Variants in TAFA5 observed in about 807,000 individuals in gnomAD.
The protein encoded by TAFA5 is chemokine-like protein TAFA-5.
Under a neutral mutation model 15.3 loss-of-function variants are expected in TAFA5, and 6 were observed. The observed-to-expected ratio is 0.39, with a 90% CI of 0.21 to 0.77. The LOEUF (loss-of-function observed/expected upper bound fraction) is 0.77, where lower values mean the gene tolerates loss of function less well. TAFA5 is among the 30% of genes least tolerant of loss of function. The probability of loss-of-function intolerance (pLI) is 0.41; values close to 1 mark genes in which losing one functional copy is unlikely to be tolerated. For missense variants in TAFA5, 161 were observed against 193.1 expected (o/e 0.83, Z 0.98); for synonymous variants, 103 against 80.7 (o/e 1.28, Z -1.48).
At chr22:48,519,369 C>T (rs372476310) in intron 1 of TAFA5, among the ~76,000 whole-genome samples, 4 of 152,232 alleles carry the variant, frequency 2.6e-5, no homozygotes, top group South Asian at 4.1e-4. Context: ...CGCGCAATCG[C>T]GTAGTCGCAG....
intron 1 of TAFA5, among the ~76,000 whole-genome samples, chr22:48,645,479 G>A (rs548816071): frequency 1.5e-4 from 23 of 152,248 alleles, no homozygotes; most frequent in East Asian, 5.8e-4. Flanking sequence ...TAGGGGATGC[G>A]GAGGGGGCAG....
intron 1 of TAFA5, chr22:48,576,309 G>C: frequency 9.6e-7 from 1 of 1,038,574 alleles, no homozygotes; most frequent in Non-Finnish European, 1.2e-6. Flanking sequence ...TGCCCAGAAA[G>C]ACACAAATCG....
rs986605504 is a variant in TAFA5 at position 48,598,120 on chromosome 22, C to T, written c.113-48477C>T. On this transcript the variant is annotated intron_variant, in intron 1 of 3. Coordinates refer to ENST00000402357, the MANE Select transcript of TAFA5 (RefSeq NM_001082967.3). The surrounding 1 kb of genome is among the most constrained non-coding windows in gnomAD (Gnocchi z 4.0). ...GGAAGAGGGCAGGCTGGAGACGCAG[C>T]GAGAGGTGCAGCTGGCGTCGTGAGG... Among the ~76,000 whole-genome samples the T allele has an allele frequency of 1.3e-5, 2 of 152,158 alleles. No individual in the cohort carries two copies. Among genetic ancestry groups the T allele is most frequent in the Admixed American group, 6.5e-5 (1 of 15,280 alleles).
At chr22:48,692,285 G>C (rs738690) in intron 2 of TAFA5, among the ~76,000 whole-genome samples, 78,416 of 152,158 alleles carry the variant, frequency 0.52, 21,098 homozygotes, top group African/African-American at 0.66. Context: ...CTGAGAGTCA[G>C]GGGTCCGCTG....
At chr22:48,591,555 G>A (rs1253494904) in intron 1 of TAFA5, among the ~76,000 whole-genome samples, 1 of 152,260 alleles carries the variant, frequency 6.6e-6, no homozygotes, top group Non-Finnish European at 1.5e-5. Flanking sequence ...CATCCTGCTG[G>A]CGCAGGGAGT....
intron 2 of TAFA5, among the ~76,000 whole-genome samples, chr22:48,689,772 G>T (rs1159088895): frequency 6.6e-6 from 1 of 152,164 alleles, no homozygotes; most frequent in Non-Finnish European, 1.5e-5. Context: ...TGATGGGCTG[G>T]TATCATTGGC....
chr22:48,570,349 AG>A (rs2147137822), intron 1 of TAFA5, among the ~76,000 whole-genome samples: 1 of 152,344 alleles, frequency 6.6e-6, no homozygotes, highest in Non-Finnish European at 1.5e-5. Flanking sequence ...TTATGAGACA[AG>A]GGTATCTCAA....
At chr22:48,563,734 G>C (rs951005629) in intron 1 of TAFA5, among the ~76,000 whole-genome samples, 1 of 152,316 alleles carries the variant, frequency 6.6e-6, no homozygotes, top group East Asian at 1.9e-4. Context: ...GCAGGGTATC[G>C]GGAGCTCGGG....
intron 1 of TAFA5, among the ~76,000 whole-genome samples, chr22:48,542,988 A>G (rs1272223814): frequency 6.6e-6 from 1 of 151,170 alleles, no homozygotes; most frequent in African/African-American, 2.4e-5. Context: ...TGTGATGTGT[A>G]TGGTGTGTAG....
chr22:48,585,607 C>A (rs1255422042), intron 1 of TAFA5, among the ~76,000 whole-genome samples: 1 of 151,102 alleles, frequency 6.6e-6, no homozygotes, highest in Non-Finnish European at 1.5e-5. Context: ...ATACCACACA[C>A]AACAAAATAC....
chr22:48,597,663 T>C (rs1010629628), intron 1 of TAFA5, among the ~76,000 whole-genome samples: 1 of 152,268 alleles, frequency 6.6e-6, no homozygotes, highest in Non-Finnish European at 1.5e-5. Context: ...CACATGCGGT[T>C]ATATCTGCAC....
At chr22:48,737,989 G>A (rs1269536749) in intron 3 of TAFA5, among the ~76,000 whole-genome samples, 1 of 152,100 alleles carries the variant, frequency 6.6e-6, no homozygotes, top group Non-Finnish European at 1.5e-5. Flanking sequence ...GATGCTGTTG[G>A]GGGGGCTCTG....
intron 2 of TAFA5, among the ~76,000 whole-genome samples, chr22:48,656,443 T>G: frequency 6.6e-6 from 1 of 150,618 alleles, no homozygotes; most frequent in Non-Finnish European, 1.5e-5. Flanking sequence ...GAGGCGGAGG[T>G]TGCAGTGAGC....
intron 1 of TAFA5, among the ~76,000 whole-genome samples, chr22:48,548,696 G>A (rs1304198877): frequency 6.6e-6 from 1 of 152,248 alleles, no homozygotes; most frequent in Non-Finnish European, 1.5e-5. Flanking sequence ...GCCCCTCCAG[G>A]TCATGAAAAT....
intron 2 of TAFA5, among the ~76,000 whole-genome samples, chr22:48,677,115 T>C (rs1928000451): frequency 6.6e-6 from 1 of 152,244 alleles, no homozygotes; most frequent in Non-Finnish European, 1.5e-5. Context: ...TTGGACATTC[T>C]CTCCTGCCCA....
intron 2 of TAFA5, among the ~76,000 whole-genome samples, chr22:48,688,626 GTAAGC>G (rs1928438818): frequency 3.3e-5 from 5 of 152,256 alleles, no homozygotes; most frequent in Admixed American, 3.3e-4. Flanking sequence ...TCATTTCTAA[GTAAGC>G]TCCTTGCTTA....
intron 1 of TAFA5, among the ~76,000 whole-genome samples, chr22:48,510,694 T>G (rs192305881): frequency 2.0e-5 from 3 of 152,298 alleles, no homozygotes; most frequent in Admixed American, 1.3e-4. Context: ...TCCTCCAGGA[T>G]GCTCCCCTGG....
chr22:48,630,419 C>T (rs879760893), intron 1 of TAFA5, among the ~76,000 whole-genome samples: 5 of 152,170 alleles, frequency 3.3e-5, no homozygotes, highest in Admixed American at 2.0e-4. Flanking sequence ...ACTGCTGCCT[C>T]GGCCCTGGCT....
rs59495677 is a variant in TAFA5, at chr22:48,700,062, C to T, written c.263-7655C>T. ...CACACCATATACACACACACACACC[C>T]CACCTCACACACATGGGCCCCTGGG... On this transcript the variant is annotated intron_variant, in intron 2 of 3. Transcript: ENST00000402357. 4.5e-3 allele frequency among the ~76,000 whole-genome samples: 691 copies of T among 152,290 alleles called. 12 individuals are homozygous for T. In the East Asian group the frequency reaches 0.052, roughly 11 times the overall value.
Sources: allele counts gnomAD v4.1 joint callset (sites outside exome capture counted in the v4.1 genomes callset), GRCh38; gene constraint gnomAD v4.1.1; non-coding constraint Gnocchi (gnomAD v3.1); transcripts MANE v1.5; gene names NCBI Gene and HGNC (gene_info 2026-07-23, HGNC 2026-07-21).